Variants in LIPA observed in about 807,000 individuals in gnomAD.
The protein encoded by LIPA is lipase A, lysosomal acid type, also known as lysosomal acid lipase/cholesteryl ester hydrolase.
In LIPA, 26 loss-of-function variants were observed where a neutral mutation model predicts 40.6. The observed-to-expected ratio is 0.64, with a 90% CI of 0.47 to 0.89. LIPA has a LOEUF of 0.89. LIPA is among the 40% of genes least tolerant of loss of function. The pLI is 0.00. For synonymous variants in LIPA, 188 were observed against 168.4 expected, an observed-to-expected ratio of 1.12 and a Z score of -0.90; for missense variants, 455 against 479.6, an observed-to-expected ratio of 0.95 and a Z score of 0.48.
intron 5 of LIPA, 25 bp downstream of exon 5, chr10:89,226,870 C>T (rs778386347): frequency 7.8e-7 from 1 of 1,287,480 alleles, no homozygotes; most frequent in Non-Finnish European, 1.1e-6. Context: ...TTTATATCAA[C>T]TTCTGATCTT....
At chr10:89,268,401 A>T (rs1201066060) in intron 1 of LIPA, among the ~76,000 whole-genome samples, 1 of 152,228 alleles carries the variant, frequency 6.6e-6, no homozygotes, top group Non-Finnish European at 1.5e-5. Context: ...TGTGTTTTTT[A>T]AATATTTTTC....
chr10:89,357,208 G>A (rs745395061), intron 2 of LIPA, among the ~76,000 whole-genome samples: 24 of 152,116 alleles, frequency 1.6e-4, no homozygotes, highest in South Asian at 4.1e-4. Context: ...GAGATATTTC[G>A]TATTATACCA....
intron 2 of LIPA, among the ~76,000 whole-genome samples, chr10:89,394,296 G>C (rs2133615005): frequency 6.6e-6 from 1 of 152,230 alleles, no homozygotes; most frequent in Admixed American, 6.5e-5. Context: ...CAAATATGTG[G>C]TCCTTTGTGG....
chr10:89,225,058 G>T, intron 6 of LIPA, 34 bp downstream of exon 6: 1 of 1,611,312 alleles, frequency 6.2e-7, no homozygotes. Flanking sequence ...GGAAATCTGC[G>T]GGGAGAGGAG....
rs771940348 is a variant in LIPA, at chr10:89,302,112, T to C, written c.-2+40499A>G. On this transcript the variant is annotated intron_variant, in intron 1 of 5. Coordinates refer to the LIPA transcript ENST00000282673. ...CGAGCCCTGCCGAACAGCTGAGAAT[T>C]GCACTGCAACCATGAGGTAAATATT... is the stretch of plus-strand genomic sequence containing the variant. The C allele has an allele frequency of 3.7e-6, 6 of 1,614,036 alleles. No individual in the cohort carries two copies. The East Asian group carries it at 1.1e-4, about 30-fold the overall frequency.
At chr10:89,384,594 A>G in intron 2 of LIPA, 2 of 1,614,198 alleles carry the variant, frequency 1.2e-6, no homozygotes, top group South Asian at 2.2e-5. Flanking sequence ...AATTGGCTAA[A>G]AGATGTATTC....
intron 3 of LIPA, among the ~76,000 whole-genome samples, chr10:89,243,257 T>C (rs1381143394): frequency 6.6e-6 from 1 of 152,226 alleles, no homozygotes; most frequent in Non-Finnish European, 1.5e-5. Context: ...TTTTAGAATG[T>C]GGAAATGCAA....
intron 1 of LIPA, chr10:89,327,880 C>T: frequency 1.8e-6 from 1 of 550,944 alleles, no homozygotes; most frequent in Non-Finnish European, 3.2e-6. Context: ...ATTAGTTTCA[C>T]TTTCCAGTTT....
chr10:89,351,506 T>C (rs1220380368), intron 2 of LIPA, among the ~76,000 whole-genome samples: 1 of 152,212 alleles, frequency 6.6e-6, no homozygotes. Flanking sequence ...TCCCAGAATC[T>C]GAGTTCTGTC....
intron 2 of LIPA, among the ~76,000 whole-genome samples, chr10:89,374,335 A>G (rs1844108640): frequency 6.7e-6 from 1 of 150,296 alleles, no homozygotes; most frequent in South Asian, 2.1e-4. Flanking sequence ...AGACACAGAC[A>G]CACACACACT....
At chr10:89,237,691 G>T (rs1030327986) in intron 3 of LIPA, among the ~76,000 whole-genome samples, 4 of 152,156 alleles carry the variant, frequency 2.6e-5, no homozygotes, top group Admixed American at 1.3e-4. Context: ...TGGACAATGA[G>T]AACTATTTTT....
intron 1 of LIPA, among the ~76,000 whole-genome samples, chr10:89,328,680 T>A (rs886951555): frequency 2.0e-5 from 3 of 152,230 alleles, no homozygotes; most frequent in Admixed American, 2.0e-4. Context: ...TGTCATTTCT[T>A]ATATAAAAAC....
intron 1 of LIPA, among the ~76,000 whole-genome samples, chr10:89,336,373 G>A (rs918736005): frequency 6.6e-6 from 1 of 152,220 alleles, no homozygotes; most frequent in Admixed American, 6.5e-5. Context: ...GCCGGATGTA[G>A]ATGGCAACTT....
chr10:89,302,692 G>A (rs1843452990), intron 1 of LIPA, among the ~76,000 whole-genome samples: 1 of 152,166 alleles, frequency 6.6e-6, no homozygotes, highest in Non-Finnish European at 1.5e-5. Context: ...TGCCTCCTGA[G>A]TATGAATTAG....
intron 1 of LIPA, chr10:89,292,450 C>T (rs1843379975): frequency 6.6e-6 from 1 of 152,224 alleles, no homozygotes; most frequent in African/African-American, 2.4e-5. Flanking sequence ...CAAAGCTCCA[C>T]ATTAGAGAAC....
At chr10:89,367,301 T>C (rs949983116) in intron 2 of LIPA, among the ~76,000 whole-genome samples, 3 of 152,162 alleles carry the variant, frequency 2.0e-5, no homozygotes, top group African/African-American at 4.8e-5. Flanking sequence ...TGTGCACATG[T>C]ACCCTAGAAC....
chr10:89,252,173 GAAT>G (rs1475129971), upstream of LIPA: 3 of 152,224 alleles, frequency 2.0e-5, no homozygotes, highest in Non-Finnish European at 4.4e-5. Context: ...AAATGAAAGT[GAAT>G]CATGGGCTCC....
At chr10:89,384,449 A>T (rs767252998) in intron 2 of LIPA, 1 of 1,614,244 alleles carries the variant, frequency 6.2e-7, no homozygotes, top group Non-Finnish European at 8.5e-7. Flanking sequence ...CTAAAGCAAG[A>T]GATTCATTAC....
chr10:89,240,861 C>T (rs1842956879), intron 3 of LIPA, among the ~76,000 whole-genome samples: 1 of 152,146 alleles, frequency 6.6e-6, no homozygotes, highest in South Asian at 2.1e-4. Context: ...CACAGGAGGG[C>T]TGCAGGAGCA....
Sources: allele counts gnomAD v4.1 joint callset (sites outside exome capture counted in the v4.1 genomes callset), GRCh38; gene constraint gnomAD v4.1.1; transcripts MANE v1.5; gene names NCBI Gene and HGNC (gene_info 2026-07-23, HGNC 2026-07-21).